Variants in HSD17B12 observed in about 807,000 individuals in gnomAD.
HSD17B12 encodes the protein hydroxysteroid 17-beta dehydrogenase 12.
In HSD17B12, 32 loss-of-function variants were observed where a neutral mutation model predicts 39.3. The ratio of observed to expected loss-of-function variants is 0.81; its 90% CI spans 0.61 to 1.09. The LOEUF is 1.09. Among genes scored for constraint, HSD17B12 ranks in the 50% least tolerant of loss-of-function variants. HSD17B12 has a pLI of 0.00. For synonymous variants in HSD17B12, 150 were observed against 146.7 expected (o/e 1.02, Z -0.16); for missense variants, 342 against 382.9 (o/e 0.89, Z 0.89).
At chr11:43,737,565 TC>T (rs1184707630) in intron 1 of HSD17B12, among the ~76,000 whole-genome samples, 3 of 152,188 alleles carry the variant, frequency 2.0e-5, no homozygotes, top group African/African-American at 7.2e-5. Flanking sequence ...TAAAAAATCT[TC>T]CTTTTTCCAC....
intron 1 of HSD17B12, among the ~76,000 whole-genome samples, chr11:43,733,256 G>A (rs1475623737): frequency 6.6e-6 from 1 of 152,122 alleles, no homozygotes; most frequent in Non-Finnish European, 1.5e-5. Flanking sequence ...TTTATGTTGT[G>A]GCGATCAGAT....
the HSD17B12 span, among the ~76,000 whole-genome samples, chr11:43,619,159 T>C: frequency 9.1e-6 from 1 of 109,548 alleles, no homozygotes; most frequent in Non-Finnish European, 1.9e-5. Context: ...AAAAAGTATA[T>C]ATATGATATA....
chr11:43,613,781 C>T, the HSD17B12 span, among the ~76,000 whole-genome samples: 1 of 152,030 alleles, frequency 6.6e-6, no homozygotes, highest in Non-Finnish European at 1.5e-5. Context: ...ATTCCCCTGC[C>T]TCAGCCTCCC....
chr11:43,566,994 TG>T, the HSD17B12 span, among the ~76,000 whole-genome samples: 2 of 152,214 alleles, frequency 1.3e-5, no homozygotes, highest in Non-Finnish European at 2.9e-5. Flanking sequence ...GTCTTTTGTG[TG>T]AGAAGGATTC....
chr11:43,791,531 CAAA>C (rs1255094996), intron 3 of HSD17B12, among the ~76,000 whole-genome samples: 1 of 131,596 alleles, frequency 7.6e-6, no homozygotes, highest in African/African-American at 2.8e-5. Flanking sequence ...GACTCTGTCT[CAAA>C]AAAAAAAAAG....
chr11:43,810,943 T>C (rs1049194057), intron 4 of HSD17B12, among the ~76,000 whole-genome samples: 1 of 152,200 alleles, frequency 6.6e-6, no homozygotes, highest in African/African-American at 2.4e-5. Context: ...TTCAACTATC[T>C]GAATAATGTT....
intron 3 of HSD17B12, among the ~76,000 whole-genome samples, chr11:43,770,906 C>T (rs1381887304): frequency 1.3e-5 from 2 of 152,102 alleles, no homozygotes; most frequent in African/African-American, 2.4e-5. Flanking sequence ...AAATTTATTT[C>T]TTCTATTATG....
the HSD17B12 span, among the ~76,000 whole-genome samples, chr11:43,671,594 A>C: frequency 6.6e-6 from 1 of 152,270 alleles, no homozygotes; most frequent in African/African-American, 2.4e-5. Flanking sequence ...GATGCAATAA[A>C]GAAAACCAGT....
At chr11:43,685,122 G>A (rs1404628812) in intron 1 of HSD17B12, among the ~76,000 whole-genome samples, 1 of 152,140 alleles carries the variant, frequency 6.6e-6, no homozygotes, top group African/African-American at 2.4e-5. Context: ...CTACCCTCTG[G>A]ATGTTTACAT....
At chr11:43,713,211 C>T (rs547225474) in intron 1 of HSD17B12, among the ~76,000 whole-genome samples, 4 of 152,220 alleles carry the variant, frequency 2.6e-5, no homozygotes, top group African/African-American at 4.8e-5. Context: ...ACATGTGCCA[C>T]GTTGGTGTGC....
At chr11:43,573,057 G>C in the HSD17B12 span, among the ~76,000 whole-genome samples, 14 of 152,206 alleles carry the variant, frequency 9.2e-5, no homozygotes, top group Non-Finnish European at 2.1e-4. Context: ...AGGGCTTCGT[G>C]ATAAGCAGCC....
At chr11:43,635,472 G>A in the HSD17B12 span, among the ~76,000 whole-genome samples, 6 of 152,108 alleles carry the variant, frequency 3.9e-5, no homozygotes, top group East Asian at 1.2e-3. Flanking sequence ...AAGCACAGGA[G>A]ACATAAAAAA....
the HSD17B12 span, among the ~76,000 whole-genome samples, chr11:43,570,732 T>C: frequency 5.3e-5 from 8 of 152,340 alleles, no homozygotes; most frequent in East Asian, 1.4e-3. Context: ...GTTGTCTCTT[T>C]CTCAAAGACA....
the HSD17B12 span, among the ~76,000 whole-genome samples, chr11:43,586,910 C>G: frequency 6.6e-6 from 1 of 152,184 alleles, no homozygotes. Context: ...CAGAGATACA[C>G]TTTCTGACAA....
At position 43,851,350 on chromosome 11, in the gene HSD17B12, C is replaced by T. The variant is rs535134612; in HGVS notation, c.685-3365C>T. Among the ~76,000 whole-genome samples, 15 of 152,254 alleles carry T rather than the reference C, an allele frequency of 9.9e-5. No homozygotes were observed. The East Asian group carries it at 2.9e-3, about 29-fold the overall frequency. On this transcript the variant is annotated intron_variant, in intron 9 of 10. Transcript: ENST00000278353. ...TATGAGTATCTTCTTGACCTGTTTC[C>T]CATAATGTTTTCCTGAGTAAGCAGG...
chr11:43,782,132 C>T (rs1278133955), intron 3 of HSD17B12, among the ~76,000 whole-genome samples: 3 of 152,152 alleles, frequency 2.0e-5, no homozygotes, highest in South Asian at 2.1e-4. Flanking sequence ...ACTGAGAACT[C>T]GTTTTGCCCC....
chr11:43,652,954 G>A, the HSD17B12 span, among the ~76,000 whole-genome samples: 1 of 152,148 alleles, frequency 6.6e-6, no homozygotes, highest in Non-Finnish European at 1.5e-5. Context: ...AGGCTGGACA[G>A]TTCAGATTCT....
chr11:43,591,917 T>C, the HSD17B12 span, among the ~76,000 whole-genome samples: 1 of 152,034 alleles, frequency 6.6e-6, no homozygotes. Context: ...CATTAATATG[T>C]TTATTTGGGG....
chr11:43,646,785 G>A, the HSD17B12 span, among the ~76,000 whole-genome samples: 8 of 152,070 alleles, frequency 5.3e-5, no homozygotes, highest in Non-Finnish European at 1.0e-4. Context: ...CATTTATTTG[G>A]TACTCTGTTT....
Sources: gnomAD v4.1 joint callset for allele counts (sites outside exome capture counted in the v4.1 genomes callset) on GRCh38, gnomAD v4.1.1 for gene constraint, MANE v1.5 for transcripts, NCBI Gene and HGNC (gene_info 2026-07-23, HGNC 2026-07-21) for gene names.